Variants in CIT observed in about 807,000 individuals in gnomAD.
The protein encoded by CIT is citron Rho-interacting kinase.
CIT carries 79 observed loss-of-function variants against 272.7 expected under a neutral mutation model. That is an observed-to-expected ratio of 0.29 (90% CI 0.24 to 0.35). CIT has a LOEUF of 0.35. CIT is among the 10% of genes least tolerant of loss of function. CIT has a pLI of 1.00. For synonymous variants in CIT, 948 were observed against 995.6 expected, an observed-to-expected ratio of 0.95 and a Z score of 0.90; for missense variants, 1,909 against 2,618.3, an observed-to-expected ratio of 0.73 and a Z score of 5.91.
At chr12:119,833,536 G>A (rs1040963617) in intron 6 of CIT, among the ~76,000 whole-genome samples, 14 of 151,850 alleles carry the variant, frequency 9.2e-5, no homozygotes, top group Admixed American at 3.9e-4. Flanking sequence ...ATGGCGGTGC[G>A]TGCCTGTAAT....
Position 119,749,309 on chromosome 12 carries a change from G to T in CIT, c.2904+2741C>A, listed in dbSNP as rs142743286. Among the ~76,000 whole-genome samples the T allele has an allele frequency of 4.5e-4, 68 of 152,290 alleles. No homozygotes were observed. The East Asian group carries it at 9.3e-3, about 21-fold the overall frequency. ...TGTGAAACTCACAAATCTCCTAGGC[G>T]ATCATTATAGATCCAGCTGATTTCA... On this transcript the variant is annotated intron_variant, in intron 23 of 47. Coordinates refer to ENST00000392521, the MANE Select transcript of CIT (RefSeq NM_001206999.2).
Position 119,772,925 on chromosome 12 carries a change from G to A in CIT, c.1942-15C>T. On this transcript the variant is annotated splice_polypyrimidine_tract_variant and intron_variant, in intron 16 of 47. Coordinates refer to ENST00000392521, the MANE Select transcript of CIT (RefSeq NM_001206999.2). ...GCTTTTACAGCCTAGGAAGAGAGAA[G>A]GAAAAGGAGATAGGTGGGCAAATTT... 1.2e-6 allele frequency: 2 copies of A among 1,605,316 alleles called. No homozygotes were observed. Among genetic ancestry groups the A allele is most frequent in the Non-Finnish European group, 1.7e-6 (2 of 1,176,312 alleles).
At position 119,697,838 on chromosome 12, in the gene CIT, C is replaced by G; in HGVS notation, c.5703G>C (p.Gly1901=). ...TGTCCAGGTACGCTCGGGCAGGGGT[C>G]CTGCAGAGTCCCAGAGTTCCAGTTA... is the stretch of plus-strand genomic sequence containing the variant. ...VIEIQARSSA[G]TPARAYLDIP... is the part of the protein sequence containing the mutation. Residue 1901 remains glycine (G), a splice_region_variant and synonymous_variant, in exon 46 of 48, where the codon GGG becomes GGC. Transcript: ENST00000392521. The surrounding 1 kb of genome is among the most constrained non-coding windows in gnomAD (Gnocchi z 4.9). 1 of 1,613,924 alleles carries G rather than the reference C, an allele frequency of 6.2e-7. No individual in the cohort carries two copies. Among genetic ancestry groups the G allele is most frequent in the Non-Finnish European group, 8.5e-7 (1 of 1,179,918 alleles).
intron 26 of CIT, among the ~76,000 whole-genome samples, chr12:119,732,666 G>A (rs1348964417): frequency 6.6e-6 from 1 of 152,158 alleles, no homozygotes; most frequent in East Asian, 1.9e-4. Flanking sequence ...TGAACTTTGC[G>A]TAATCCATCT....
chr12:119,842,788 C>T (rs575562338), intron 5 of CIT, among the ~76,000 whole-genome samples: 3 of 152,122 alleles, frequency 2.0e-5, no homozygotes, highest in Admixed American at 6.5e-5. Context: ...GAATTACACA[C>T]GTGAAAGAAA....
At chr12:119,704,539 A>AGCGC in intron 40 of CIT, 84 bp from the exon 41 acceptor site, 2 of 1,180,520 alleles carry the variant, frequency 1.7e-6, no homozygotes, top group Non-Finnish European at 2.5e-6. Context: ...TCTCAGGCTC[A>AGCGC]GCGCCATTGA....
At chr12:119,691,118 G>A (rs1955921867) in intron 46 of CIT, among the ~76,000 whole-genome samples, 1 of 140,084 alleles carries the variant, frequency 7.1e-6, no homozygotes, top group African/African-American at 2.7e-5. Context: ...GTTGCAGTGA[G>A]CCAAGATCGG....
chr12:119,753,814 T>C lies in CIT; in HGVS notation c.2707-1567A>G, dbSNP rs558168413. The stretch of plus-strand genomic sequence containing the variant: ...GAATTACACAAATAGACCATTGCTA[T>C]GACAGAATAGGAGAGAAAGGGCCAG... On this transcript the variant is annotated intron_variant, in intron 22 of 47. Transcript: ENST00000392521. 6.3e-4 allele frequency among the ~76,000 whole-genome samples: 96 copies of C among 152,002 alleles called. No individual in the cohort carries two copies. In the Middle Eastern group the frequency reaches 0.01, roughly 16 times the overall value.
intron 44 of CIT, chr12:119,699,855 G>A (rs531373060): frequency 3.1e-5 from 14 of 456,096 alleles, no homozygotes; most frequent in Admixed American, 4.7e-5. Flanking sequence ...AAATAGCCTC[G>A]AAGGGTATCT....
intron 5 of CIT, among the ~76,000 whole-genome samples, chr12:119,848,537 A>T (rs1969980426): frequency 6.6e-6 from 1 of 152,212 alleles, no homozygotes; most frequent in Non-Finnish European, 1.5e-5. Flanking sequence ...GAATTTTAGC[A>T]TTCTCTAACT....
At chr12:119,772,683 A>G in intron 17 of CIT, 87 bp downstream of exon 17, 1 of 1,395,968 alleles carries the variant, frequency 7.2e-7, no homozygotes, top group Non-Finnish European at 9.5e-7. Flanking sequence ...GGTCAAACAT[A>G]AGCAAGTGAT....
At chr12:119,852,159 CAG>C (rs1970261562) in intron 4 of CIT, among the ~76,000 whole-genome samples, 1 of 152,172 alleles carries the variant, frequency 6.6e-6, no homozygotes, top group Non-Finnish European at 1.5e-5. Context: ...TCAACTGAAA[CAG>C]AGAGTCTTCT....
intron 13 of CIT, among the ~76,000 whole-genome samples, chr12:119,778,445 T>A (rs1478707364): frequency 6.6e-6 from 1 of 152,168 alleles, no homozygotes; most frequent in Non-Finnish European, 1.5e-5. Flanking sequence ...AGGAATTGAA[T>A]CAAGAATGTC....
rs1407044479 is a variant in CIT, at chr12:119,712,267, T to C, written c.4765A>G (p.Ser1589Gly). Residue 1589 changes from serine to glycine, a missense_variant, in exon 37 of 48, where the codon AGC becomes GGC. Physicochemically the swap from Ser to Gly is moderately conservative, Grantham distance 56 (BLOSUM62 0). Transcript: ENST00000392521. This position sits in a 1 kb window ranked among gnomAD's most constrained non-coding sequence, Gnocchi z 5.2. ...PGRTLYLLAP[S>G]FPDKQRWVTA... ...ACCCAGCGCTGTTTGTCAGGGAAGCTGGGAGCTAGCAAGTAGAGGGTTCTC... is the reference window on the plus strand; with the variant it reads ...ACCCAGCGCTGTTTGTCAGGGAAGCCGGGAGCTAGCAAGTAGAGGGTTCTC... The C allele has an allele frequency of 6.2e-7, 1 of 1,613,996 alleles. No individual in the cohort carries two copies. Among genetic ancestry groups the C allele is most frequent in the African/African-American group, 1.3e-5 (1 of 74,928 alleles).
intron 10 of CIT, among the ~76,000 whole-genome samples, chr12:119,787,321 C>T (rs1456880957): frequency 3.9e-5 from 6 of 151,924 alleles, no homozygotes; most frequent in Non-Finnish European, 5.9e-5. Flanking sequence ...GTCCCAGCTA[C>T]GTGGGAGGCT....
chr12:119,807,429 T>A (rs10849699), intron 9 of CIT, among the ~76,000 whole-genome samples: 1 of 152,182 alleles, frequency 6.6e-6, no homozygotes, highest in East Asian at 1.9e-4. Context: ...TTCTTGTACC[T>A]TATATAAAAT....
chr12:119,800,054 C>A (rs991720912), intron 10 of CIT, among the ~76,000 whole-genome samples: 14 of 151,662 alleles, frequency 9.2e-5, no homozygotes, highest in African/African-American at 3.2e-4. Context: ...TAAATGTACC[C>A]CTTGCTAATG....
At chr12:119,723,516 G>A (rs4766946) in intron 28 of CIT, among the ~76,000 whole-genome samples, 90,987 of 151,870 alleles carry the variant, frequency 0.6, 27,665 homozygotes, top group African/African-American at 0.69. Flanking sequence ...CCAGTGTTAG[G>A]CTGAAAGGGG....
intron 9 of CIT, among the ~76,000 whole-genome samples, chr12:119,808,089 AAG>A (rs1357147781): frequency 6.6e-6 from 1 of 152,160 alleles, no homozygotes; most frequent in Non-Finnish European, 1.5e-5. Context: ...TTCAGAAACA[AAG>A]AGCTATTTTA....
Sources: gnomAD v4.1 joint callset for allele counts (sites outside exome capture counted in the v4.1 genomes callset) on GRCh38, gnomAD v4.1.1 for gene constraint, Gnocchi (gnomAD v3.1) non-coding constraint, MANE v1.5 for transcripts, NCBI Gene and HGNC (gene_info 2026-07-23, HGNC 2026-07-21) for gene names.